FHOD3: variants seen among roughly 807,000 people sequenced by gnomAD.
FHOD3 encodes FH1/FH2 domain-containing protein 3.
In FHOD3, 90 loss-of-function variants were observed where a neutral mutation model predicts 173.0. The observed-to-expected ratio is 0.52, with a 90% CI of 0.44 to 0.62. The LOEUF (loss-of-function observed/expected upper bound fraction) is 0.62. Among genes scored for constraint, FHOD3 ranks in the 20% least tolerant of loss-of-function variants. The pLI, the probability that FHOD3 is intolerant of heterozygous loss-of-function variation, is 0.00. For synonymous variants in FHOD3, 828 were observed against 823.0 expected, an observed-to-expected ratio of 1.01 and a Z score of -0.10; for missense variants, 1,945 against 2,034.7, an observed-to-expected ratio of 0.96 and a Z score of 0.85.
At chr18:36,431,771 T>C (rs180955031) in intron 3 of FHOD3, among the ~76,000 whole-genome samples, 1 of 152,326 alleles carries the variant, frequency 6.6e-6, no homozygotes, top group Admixed American at 6.5e-5. Context: ...ATCCTTTAAG[T>C]GGGAAGGCCC....
intron 3 of FHOD3, among the ~76,000 whole-genome samples, chr18:36,435,003 G>T (rs1264356765): frequency 6.6e-6 from 1 of 151,414 alleles, no homozygotes; most frequent in Admixed American, 6.6e-5. Context: ...TTAATTTAAT[G>T]CTTAATATTA....
chr18:36,344,592 A>G (rs1466390932), intron 1 of FHOD3, among the ~76,000 whole-genome samples: 1 of 152,216 alleles, frequency 6.6e-6, no homozygotes, highest in African/African-American at 2.4e-5. Flanking sequence ...CTAGAAAGGA[A>G]TATAGAAGAA....
chr18:36,698,143 A>G (rs1177301765), intron 17 of FHOD3, among the ~76,000 whole-genome samples: 1 of 152,196 alleles, frequency 6.6e-6, no homozygotes, highest in Non-Finnish European at 1.5e-5. Flanking sequence ...TCTATGACTC[A>G]GGGCTGCCTC....
At chr18:36,331,809 G>A (rs1598738620) in intron 1 of FHOD3, among the ~76,000 whole-genome samples, 2 of 152,170 alleles carry the variant, frequency 1.3e-5, no homozygotes, top group East Asian at 3.9e-4. Flanking sequence ...GGGGAGTGGG[G>A]CACCGGTGCA....
At chr18:36,581,158 G>T (rs1325151313) in intron 6 of FHOD3, among the ~76,000 whole-genome samples, 3 of 152,234 alleles carry the variant, frequency 2.0e-5, no homozygotes, top group Admixed American at 2.0e-4. Flanking sequence ...TTTCAATAAA[G>T]TGTTTCTTTC....
In FHOD3 at chr18:36,769,391, G is replaced by A. The variant is rs61735985; in HGVS notation, c.4751G>A (p.Arg1584Lys). 2,199 of 1,614,126 alleles carry A rather than the reference G, an allele frequency of 1.4e-3. 27 individuals carry two copies. In the African/African-American group the frequency reaches 0.026, roughly 19 times the overall value. ...TQVPSQRVVPRERKRSRANRK... is the reference protein window; with the variant it reads ...TQVPSQRVVPKERKRSRANRK... ...GTGCCCAGTCAGCGAGTGGTGCCGA[G>A]GGAGAGGAAACGATCCCGGGCCAAC... The change falls in exon 28 of 29, where the codon AGG (arginine) becomes AAG (lysine). Residue 1584 changes from arginine (R) to lysine (K), a missense_variant. Coordinates refer to ENST00000590592, the MANE Select transcript of FHOD3 (RefSeq NM_001281740.3).
intron 5 of FHOD3, among the ~76,000 whole-genome samples, chr18:36,519,653 C>T (rs1362478436): frequency 1.3e-5 from 2 of 152,194 alleles, no homozygotes; most frequent in African/African-American, 4.8e-5. Context: ...AAGGCAAGGC[C>T]AGGGCCAGAT....
At chr18:36,651,750 CAAA>C (rs34364328) in intron 11 of FHOD3, among the ~76,000 whole-genome samples, 1 of 141,024 alleles carries the variant, frequency 7.1e-6, no homozygotes, top group East Asian at 2.1e-4. Flanking sequence ...AAACTCTGCT[CAAA>C]AAAAAAAAAT....
chr18:36,303,011 GC>G (rs1293060901), intron 1 of FHOD3, among the ~76,000 whole-genome samples: 1 of 152,226 alleles, frequency 6.6e-6, no homozygotes, highest in Non-Finnish European at 1.5e-5. Context: ...TCCAGCAGGT[GC>G]TGTCATGGCC....
At chr18:36,646,358 G>A (rs891685766) in intron 10 of FHOD3, among the ~76,000 whole-genome samples, 1 of 152,036 alleles carries the variant, frequency 6.6e-6, no homozygotes, top group South Asian at 2.1e-4. Context: ...ACACTATTAA[G>A]AGAAATTAAG....
At chr18:36,307,894 T>A (rs2092146135) in intron 1 of FHOD3, among the ~76,000 whole-genome samples, 1 of 151,538 alleles carries the variant, frequency 6.6e-6, no homozygotes, top group Admixed American at 6.6e-5. Context: ...TCTTAACACT[T>A]TTGTGTCTTG....
At chr18:36,408,534 T>C (rs1274179042) in intron 3 of FHOD3, among the ~76,000 whole-genome samples, 1 of 152,048 alleles carries the variant, frequency 6.6e-6, no homozygotes, top group African/African-American at 2.4e-5. Context: ...AGTGGGAAGA[T>C]GCCTTCTAGA....
At chr18:36,613,071 A>C (rs1330522908) in intron 9 of FHOD3, among the ~76,000 whole-genome samples, 1 of 152,206 alleles carries the variant, frequency 6.6e-6, no homozygotes, top group Non-Finnish European at 1.5e-5. Context: ...TTCTGTCTGC[A>C]CTCAAATCCA....
At chr18:36,328,300 G>C (rs536744839) in intron 1 of FHOD3, among the ~76,000 whole-genome samples, 7 of 152,268 alleles carry the variant, frequency 4.6e-5, no homozygotes, top group African/African-American at 1.7e-4. Context: ...CAGGGCAATG[G>C]AGCAGAGTCC....
rs566715494 is a variant in FHOD3 at position 36,569,567 on chromosome 18, G to T, written c.512-6884G>T. On this transcript the variant is annotated intron_variant, in intron 5 of 28. Coordinates refer to ENST00000590592, the MANE Select transcript of FHOD3 (RefSeq NM_001281740.3). ...CAGCAAGGCTATGAAGGAACTGAAT[G>T]GCACCATCAACCAAATAGTTCTAAT... 9.3e-4 allele frequency among the ~76,000 whole-genome samples: 141 copies of T among 152,162 alleles called. 1 individual carries two copies. The highest frequency in any genetic ancestry group is 3.2e-3 in the African/African-American group (131 of 41,540).
chr18:36,686,638 T>A (rs1412307893), intron 15 of FHOD3, among the ~76,000 whole-genome samples: 18 of 147,634 alleles, frequency 1.2e-4, no homozygotes, highest in Non-Finnish European at 1.3e-4. Context: ...ATCCTGGAAA[T>A]AAAAAAAAAA....
chr18:36,492,095 G>A (rs2054501124), intron 3 of FHOD3, among the ~76,000 whole-genome samples: 1 of 152,172 alleles, frequency 6.6e-6, no homozygotes. Context: ...TAGGAATCTG[G>A]ATGATATCTG....
At chr18:36,690,726 G>A (rs746836521) in intron 16 of FHOD3, among the ~76,000 whole-genome samples, 5 of 124,176 alleles carry the variant, frequency 4.0e-5, no homozygotes, top group Admixed American at 8.0e-5. Flanking sequence ...TCTCTGCCCC[G>A]CCATATAAAA....
chr18:36,477,291 TG>T (rs1056591301), intron 3 of FHOD3, among the ~76,000 whole-genome samples: 2 of 152,136 alleles, frequency 1.3e-5, no homozygotes, highest in African/African-American at 4.8e-5. Context: ...ACAGAGTCAA[TG>T]ATGGTTTATA....
Sources: gnomAD v4.1 joint callset for allele counts (sites outside exome capture counted in the v4.1 genomes callset) on GRCh38, gnomAD v4.1.1 for gene constraint, MANE v1.5 for transcripts, NCBI Gene and HGNC (gene_info 2026-07-23, HGNC 2026-07-21) for gene names.